DSPP: variants seen among roughly 807,000 people sequenced by gnomAD.
DSPP encodes the protein dentin sialophosphoprotein.
DSPP carries 28 observed loss-of-function variants against 29.1 expected under a neutral mutation model. That is an observed-to-expected ratio of 0.96 (90% confidence interval 0.71 to 1.32). The LOEUF (loss-of-function observed/expected upper bound fraction) is 1.32, where lower values mean the gene tolerates loss of function less well. Among genes scored for constraint, DSPP ranks in the 40% most tolerant of loss-of-function variants. The probability of loss-of-function intolerance (pLI) is 0.00; values close to 1 mark genes in which losing one functional copy is unlikely to be tolerated. For missense variants in DSPP, 1,281 were observed against 1,629.9 expected, an observed-to-expected ratio of 0.79 and a Z score of 3.69; for synonymous variants, 481 against 503.4, an observed-to-expected ratio of 0.96 and a Z score of 0.60.
chr4:87,611,000 C>A, intron 2 of DSPP, 41 bp downstream of exon 2: 1 of 1,537,894 alleles, frequency 6.5e-7, no homozygotes, highest in Non-Finnish European at 9.0e-7. Flanking sequence ...ACTTTGTTAT[C>A]TTTTTTAACC....
At position 87,609,355 on chromosome 4, in the gene DSPP, G is replaced by T. The variant is rs1046164759; in HGVS notation, c.-29+735G>T. Reference sequence around the variant, plus strand: ...GCAGGTACCTTTCCAGTATGCTGAGGCTCTTCCAAATCACAGTGCAGACGG... The same window carrying T: ...GCAGGTACCTTTCCAGTATGCTGAGTCTCTTCCAAATCACAGTGCAGACGG... On this transcript the variant is annotated intron_variant, in intron 1 of 4. Transcript: ENST00000651931. Among the ~76,000 whole-genome samples, 3 of 152,156 alleles carry T rather than the reference G, an allele frequency of 2.0e-5. No homozygotes were observed. The South Asian group carries it at 6.2e-4, about 32-fold the overall frequency.
In DSPP at chr4:87,615,162, G is replaced by A. The variant is rs977451306; in HGVS notation, c.2500G>A (p.Asp834Asn). The A allele has an allele frequency of 2.7e-5, 41 of 1,527,306 alleles. No homozygotes were observed. Among genetic ancestry groups the A allele is most frequent in the African/African-American group, 1.2e-4 (8 of 66,412 alleles). The allele number at this position is 1,527,306 out of a possible 1,614,324, so 94.6% of individuals were successfully genotyped here. The change falls in exon 5 of 5, where the codon GAT becomes AAT. Residue 834 changes from aspartate to asparagine, a missense_variant. Physicochemically the swap from Asp to Asn is conservative, Grantham distance 23. Transcript: ENST00000651931. ...CAGCAGTAATAGTAGTGACAGCAGC[G>A]ATAGCAGCAACAGCAGTGATAGCAG... ...SDSSNSSDSS[D>N]SSNSSDSSDS...
Position 87,614,221 on chromosome 4 carries a change from A to G in DSPP, c.1559A>G (p.Asp520Gly), listed in dbSNP as rs749606216. 13 of 1,614,150 alleles carry G rather than the reference A, an allele frequency of 8.1e-6. No individual in the cohort carries two copies. The African/African-American group carries it at 1.2e-4, about 15-fold the overall frequency. Residue 520 changes from aspartate to glycine, a missense_variant, in exon 5 of 5, where the codon GAC becomes GGC. Asp to Gly is a moderately conservative substitution (Grantham distance 94, BLOSUM62 -1). Coordinates refer to ENST00000651931, the MANE Select transcript of DSPP (RefSeq NM_014208.3). ...AEDDDSDSTSDTNNSDSNGNG... is the reference protein window; with the variant it reads ...AEDDDSDSTSGTNNSDSNGNG... ...GATGATGACAGTGATAGCACATCAG[A>G]CACTAATAATAGTGACAGTAATGGC...
chr4:87,612,595 C>T lies in DSPP; in HGVS notation c.409C>T (p.Gln137Ter). Residue 137 changes from glutamine (Q) to a stop codon, truncating the protein, a stop_gained, in exon 4 of 5, where the codon CAG becomes TAG. Transcript: ENST00000651931. LOFTEE classifies it high-confidence loss of function. ...KEENITANGI[Q>*]GQVSIIDNAG... Reference sequence around the variant, plus strand: ...AGAAAACATCACAGCAAATGGCATCCAGGGACAAGTAAGCATCATTGACAA... The same window carrying T: ...AGAAAACATCACAGCAAATGGCATCTAGGGACAAGTAAGCATCATTGACAA... 6.2e-7 allele frequency: 1 copy of T among 1,614,024 alleles called. No individual in the cohort carries two copies. The highest frequency in any genetic ancestry group is 8.5e-7 in the Non-Finnish European group (1 of 1,179,962).
In DSPP at chr4:87,616,080, A is replaced by G. The variant is rs140656082; in HGVS notation, c.3418A>G (p.Asn1140Asp). 8,045 of 57,904 alleles carry G rather than the reference A, an allele frequency of 0.14. 2,397 individuals are homozygous for G. Among genetic ancestry groups the G allele is most frequent in the African/African-American group, 0.47 (1,241 of 2,640 alleles). 3.6% of individuals were successfully genotyped at this position (57,904 alleles called of 1,614,324 possible). A position where few individuals can be genotyped will look rare whatever the true frequency, so the allele number is the denominator to read the frequency against. ...CAGCAGTGATAGCAGTGACAGCAGC[A>G]ACAGCAGTGACAGCAGTGACAGCAG... ...SDSSDSSDSS[N>D]SSDSSDSSES... is the part of the protein sequence containing the mutation. The change falls in exon 5 of 5, where the codon AAC becomes GAC. Residue 1140 changes from asparagine to aspartate, a missense_variant. Physicochemically the swap from Asn to Asp is conservative, Grantham distance 23. This residue lies in a region of DSPP where 72 missense variants were observed against 190.3 expected (regional missense o/e 0.38). Transcript: ENST00000651931.
In DSPP at chr4:87,612,108, C is replaced by T; in HGVS notation, c.55C>T (p.Pro19Ser). 3 of 1,613,602 alleles carry T rather than the reference C, an allele frequency of 1.9e-6. No homozygotes were observed. Among genetic ancestry groups the T allele is most frequent in the Non-Finnish European group, 2.5e-6 (3 of 1,179,786 alleles). Residue 19 changes from proline to serine, a missense_variant, in exon 3 of 5, where the codon CCT (proline) becomes TCT (serine). Pro to Ser is a moderately conservative substitution (Grantham distance 74). Around this residue, in one of 4 missense-constraint regions of DSPP, gnomAD observed 631 missense variants for 643.2 expected, o/e 0.98. Transcript: ENST00000651931. ...GCCAGTATTTTCTACTTGGCAGGTTCCTCAAAGCAAACCACTGGAGAGACA... is the reference window on the plus strand; with the variant it reads ...GCCAGTATTTTCTACTTGGCAGGTTTCTCAAAGCAAACCACTGGAGAGACA... ...IWAVAWAIPVPQSKPLERHVE... is the reference protein window; with the variant it reads ...IWAVAWAIPVSQSKPLERHVE...
chr4:87,611,798 C>T (rs1727739055), intron 2 of DSPP, among the ~76,000 whole-genome samples: 2 of 152,166 alleles, frequency 1.3e-5, no homozygotes, highest in African/African-American at 2.4e-5. Context: ...GGTCTATCCC[C>T]TCGTCTTTCT....
chr4:87,611,029 T>TTGTGTG, intron 2 of DSPP, 70 bp downstream of exon 2: 1 of 1,031,178 alleles, frequency 9.7e-7, no homozygotes, highest in Non-Finnish European at 1.4e-6. Context: ...ATACAAAATG[T>TTGTGTG]AGTGTGTGTG....
chr4:87,610,663 G>T (rs1727716474), intron 1 of DSPP, among the ~76,000 whole-genome samples: 1 of 152,048 alleles, frequency 6.6e-6, no homozygotes, highest in South Asian at 2.1e-4. Flanking sequence ...TCCTTCATTG[G>T]CACAGGCAGA....
rs1560478878 is a variant in DSPP, at chr4:87,614,826, A to G, written c.2164A>G (p.Asn722Asp). 18 of 1,551,286 alleles carry G rather than the reference A, an allele frequency of 1.2e-5. No individual in the cohort carries two copies. In the East Asian group the frequency reaches 3.9e-4, roughly 34 times the overall value. ...SSDSSDSSNS[N>D]SSDSDSSNSS... ...TGATAGTAGTGACAGCAGTAATAGT[A>G]ACAGCAGCGATAGTGACAGCAGCAA... Residue 722 changes from asparagine to aspartate, a missense_variant, in exon 5 of 5, where the codon AAC becomes GAC. Transcript: ENST00000651931.
chr4:87,612,769 A>G lies in DSPP; in HGVS notation c.583A>G (p.Asn195Asp). 6.2e-7 allele frequency: 1 copy of G among 1,614,216 alleles called. No individual in the cohort carries two copies. The highest frequency in any genetic ancestry group is 8.5e-7 in the Non-Finnish European group (1 of 1,180,030). The change falls in exon 4 of 5, where the codon AAT becomes GAT. Residue 195 changes from asparagine to aspartate, a missense_variant. Physicochemically the swap from Asn to Asp is conservative, Grantham distance 23. Transcript: ENST00000651931. ...AGCTGGAAGCAATAACAGTACAGAC[A>G]ATGAGGATGAAATAATTGAGAATTC... ...QVAGSNNSTD[N>D]EDEIIENSCR...
In DSPP at chr4:87,614,850, A is replaced by G. The variant is rs1455436387; in HGVS notation, c.2188A>G (p.Asn730Asp). ...TAACAGCAGCGATAGTGACAGCAGC[A>G]ACAGCAGCGATAGCAGTGACAGCAG... Reference protein sequence around the residue: ...NSNSSDSDSSNSSDSSDSSNS... With the variant: ...NSNSSDSDSSDSSDSSDSSNS... Residue 730 changes from asparagine to aspartate, a missense_variant, in exon 5 of 5, where the codon AAC becomes GAC. This residue lies in a region of DSPP where 444 missense variants were observed against 611.4 expected (regional missense o/e 0.73). Transcript: ENST00000651931. 1 of 1,550,254 alleles carries G rather than the reference A, an allele frequency of 6.5e-7. No individual in the cohort carries two copies. The highest frequency in any genetic ancestry group is 1.4e-5 in the African/African-American group (1 of 72,690).
At position 87,610,865 on chromosome 4, in the gene DSPP, T is replaced by C; in HGVS notation, c.-28-16T>C. 6.5e-7 allele frequency: 1 copy of C among 1,537,592 alleles called. No individual in the cohort carries two copies. Among genetic ancestry groups the C allele is most frequent in the Non-Finnish European group, 9.0e-7 (1 of 1,110,592 alleles). ...TTACTTTATAAGTAATTTTGTGCTG[T>C]TCCTTTTTTATACAGCCATTGATTA... is the stretch of plus-strand genomic sequence containing the variant. On this transcript the variant is annotated splice_polypyrimidine_tract_variant and intron_variant, in intron 1 of 4. Coordinates refer to ENST00000651931, the MANE Select transcript of DSPP (RefSeq NM_014208.3).
chr4:87,612,339 T>A lies in DSPP; in HGVS notation c.153T>A (p.Ser51Arg). The change falls in exon 4 of 5, where the codon AGT (serine) becomes AGA (arginine). Residue 51 changes from serine to arginine, a missense_variant. By Grantham distance (110) the Ser-to-Arg change is moderately radical (BLOSUM62 -1). Coordinates refer to ENST00000651931, the MANE Select transcript of DSPP (RefSeq NM_014208.3). Reference protein sequence around the residue: ...NVSVQDELNASGTIKESGVLV... With the variant: ...NVSVQDELNARGTIKESGVLV... ...TTTTTCAGGATGAGTTAAATGCCAG[T>A]GGAACCATCAAAGAAAGTGGTGTCC... 1 of 1,614,102 alleles carries A rather than the reference T, an allele frequency of 6.2e-7. No individual in the cohort carries two copies. The highest frequency in any genetic ancestry group is 8.5e-7 in the Non-Finnish European group (1 of 1,179,972).
In DSPP at chr4:87,612,855, G is replaced by C. The variant is rs750546551; in HGVS notation, c.669G>C (p.Gly223=). 1 of 1,614,176 alleles carries C rather than the reference G, an allele frequency of 6.2e-7. No homozygotes were observed. Among genetic ancestry groups the C allele is most frequent in the Admixed American group, 1.7e-5 (1 of 60,022 alleles). ...ITPQINSKRN[G]TKEAEVTPGT... is the part of the protein sequence containing the mutation. The stretch of plus-strand genomic sequence containing the variant: ...CTCAGATCAACAGCAAGAGAAATGG[G>C]ACTAAGGAAGCTGAGGTAACACCAG... The change falls in exon 4 of 5, where the codon GGG becomes GGC. Residue 223 remains glycine, a synonymous_variant. Transcript: ENST00000651931.
At chr4:87,611,035 G>GT in intron 2 of DSPP, 76 bp downstream of exon 2, 1 of 885,088 alleles carries the variant, frequency 1.1e-6, no homozygotes, top group Non-Finnish European at 1.8e-6. Context: ...AATGTAGTGT[G>GT]TGTGTGTGTG....
Position 87,616,708 on chromosome 4 carries a change from A to G in DSPP, c.*140A>G. Reference sequence around the variant, plus strand: ...CAAAAACAACTGGGGGAATCAAATCAAACAGTTGGATTCAGAACCAAGACC... The same window carrying G: ...CAAAAACAACTGGGGGAATCAAATCGAACAGTTGGATTCAGAACCAAGACC... On this transcript the variant is annotated 3_prime_UTR_variant, in exon 5 of 5. Coordinates refer to ENST00000651931, the MANE Select transcript of DSPP (RefSeq NM_014208.3). 1 of 1,412,404 alleles carries G rather than the reference A, an allele frequency of 7.1e-7. No individual in the cohort carries two copies. Among genetic ancestry groups the G allele is most frequent in the South Asian group, 1.3e-5 (1 of 78,212 alleles). 87.5% of individuals were successfully genotyped at this position (1,412,404 alleles called of 1,614,324 possible).
At position 87,613,267 on chromosome 4, in the gene DSPP, A is replaced by G. The variant is rs746360911; in HGVS notation, c.1081A>G (p.Lys361Glu). 9 of 1,613,716 alleles carry G rather than the reference A, an allele frequency of 5.6e-6. No individual in the cohort carries two copies. In the Admixed American group the frequency reaches 1.3e-4, roughly 24 times the overall value. The change falls in exon 4 of 5, where the codon AAA becomes GAA. Residue 361 changes from lysine to glutamate, a missense_variant. By Grantham distance (56) the Lys-to-Glu change is moderately conservative. Transcript: ENST00000651931. Reference protein sequence around the residue: ...ESKRVENRITKESETHAVGKS... With the variant: ...ESKRVENRITEESETHAVGKS... The stretch of plus-strand genomic sequence containing the variant: ...CAAACGCGTAGAAAATAGAATCACC[A>G]AAGAATCAGAGACACATGCTGTTGG...
chr4:87,612,609 C>G lies in DSPP; in HGVS notation c.423C>G (p.Ser141Arg). The G allele has an allele frequency of 6.2e-7, 1 of 1,614,014 alleles. No individual in the cohort carries two copies. The highest frequency in any genetic ancestry group is 8.5e-7 in the Non-Finnish European group (1 of 1,179,998). Residue 141 changes from serine to arginine, a missense_variant, in exon 4 of 5, where the codon AGC becomes AGG. Ser to Arg is a moderately radical substitution (Grantham distance 110). This residue lies in a region of DSPP where 631 missense variants were observed against 643.2 expected (regional missense o/e 0.98). Coordinates refer to ENST00000651931, the MANE Select transcript of DSPP (RefSeq NM_014208.3). ...CAAATGGCATCCAGGGACAAGTAAGCATCATTGACAATGCTGGAGCCACAA... is the reference window on the plus strand; with the variant it reads ...CAAATGGCATCCAGGGACAAGTAAGGATCATTGACAATGCTGGAGCCACAA... Reference protein sequence around the residue: ...ITANGIQGQVSIIDNAGATNR... With the variant: ...ITANGIQGQVRIIDNAGATNR...
Sources: gnomAD v4.1 joint callset for allele counts (sites outside exome capture counted in the v4.1 genomes callset) on GRCh38, gnomAD v4.1.1 for gene constraint, gnomAD v4.1.1 regional missense constraint, MANE v1.5 for transcripts, NCBI Gene and HGNC (gene_info 2026-07-23, HGNC 2026-07-21) for gene names.